TMEM164: variants seen among roughly 807,000 people sequenced by gnomAD.
The protein encoded by TMEM164 is transmembrane protein 164.
TMEM164 carries 4 observed loss-of-function variants against 18.8 expected under a neutral mutation model. The observed-to-expected ratio is 0.21, with a 90% CI of 0.10 to 0.49. The LOEUF is 0.49. TMEM164 is among the 20% of genes least tolerant of loss of function. TMEM164 has a pLI of 0.98. For synonymous variants in TMEM164, 86 were observed against 101.7 expected (o/e 0.85, Z 0.93); for missense variants, 108 against 239.9 (o/e 0.45, Z 3.63).
At chrX:110,141,579 G>T (rs1321705963) in intron 4 of TMEM164, among the ~76,000 whole-genome samples, 1 of 111,662 alleles carries the variant, frequency 9.0e-6, no homozygotes, top group Non-Finnish European at 1.9e-5. Context: ...CACCAGAACA[G>T]TATGGAGGAA....
At chrX:110,034,131 T>C (rs907897635) in intron 2 of TMEM164, among the ~76,000 whole-genome samples, 14 of 111,997 alleles carry the variant, frequency 1.3e-4, no homozygotes, top group African/African-American at 4.5e-4. Context: ...TCACAGCTGT[T>C]TGATGAATAA....
intron 2 of TMEM164, among the ~76,000 whole-genome samples, chrX:110,005,720 C>T (rs1166771828): frequency 1.8e-5 from 2 of 111,878 alleles, no homozygotes; most frequent in East Asian, 5.6e-4. Flanking sequence ...AAATTTGAGC[C>T]AGTCTTCTTT....
At chrX:110,058,196 C>G (rs1344185039) in intron 2 of TMEM164, among the ~76,000 whole-genome samples, 2 of 111,232 alleles carry the variant, frequency 1.8e-5, no homozygotes, top group East Asian at 2.8e-4. Context: ...ATCATTTGTT[C>G]AAGCAAGCAT....
intron 3 of TMEM164, among the ~76,000 whole-genome samples, chrX:110,070,270 T>C (rs182833835): frequency 8.1e-4 from 90 of 111,632 alleles, no homozygotes; most frequent in Middle Eastern, 4.6e-3. Flanking sequence ...GAGCCAGGAC[T>C]GTGCCACTGC....
At chrX:110,023,109 G>T (rs1305182355) in intron 2 of TMEM164, among the ~76,000 whole-genome samples, 1 of 111,650 alleles carries the variant, frequency 9.0e-6, no homozygotes, top group Non-Finnish European at 1.9e-5. Flanking sequence ...TTATGGTTTG[G>T]GGGAGGGGAG....
At chrX:110,063,449 G>A (rs1936199903) in intron 2 of TMEM164, among the ~76,000 whole-genome samples, 1 of 111,841 alleles carries the variant, frequency 8.9e-6, no homozygotes, top group Admixed American at 9.5e-5. Context: ...GGGGGAACAG[G>A]AATGGGAAGC....
chrX:110,084,382 A>ATATATATATAG lies in TMEM164; in HGVS notation c.440+16991_440+17001dup, dbSNP rs1569320868. ...ATATAGTATAGTATATATATAGTGT[A>ATATATATATAG]TATATATATAGTATAGTATATATAT... On this transcript the variant is annotated intron_variant, in intron 3 of 6. Coordinates refer to ENST00000372068, the MANE Select transcript of TMEM164 (RefSeq NM_032227.4). Among the ~76,000 whole-genome samples the ATATATATATAG allele has an allele frequency of 1.9e-3, 55 of 29,279 alleles. 2 individuals are homozygous for ATATATATATAG. Among genetic ancestry groups the ATATATATATAG allele is most frequent in the African/African-American group, 0.018 (52 of 2,894 alleles). 25.4% of individuals were successfully genotyped at this position (29,279 alleles called of 115,157 possible).
intron 4 of TMEM164, among the ~76,000 whole-genome samples, chrX:110,141,907 C>T (rs747384447): frequency 8.9e-6 from 1 of 111,858 alleles, no homozygotes; most frequent in African/African-American, 3.3e-5. Context: ...AACCTATTTC[C>T]TCTTTCCCTC....
chrX:110,022,573 G>A (rs763526664), intron 2 of TMEM164, among the ~76,000 whole-genome samples: 4 of 111,430 alleles, frequency 3.6e-5, no homozygotes, highest in South Asian at 3.8e-4. Flanking sequence ...AAAACCCAGC[G>A]GTGGTAAAAT....
intron 2 of TMEM164, among the ~76,000 whole-genome samples, chrX:110,022,337 G>C (rs139255570): frequency 4.0e-4 from 44 of 111,239 alleles, no homozygotes; most frequent in Non-Finnish European, 6.4e-4. Context: ...CTTGTCAAGA[G>C]AGATCTAAGA....
chrX:110,112,829 T>C (rs896004632), intron 4 of TMEM164, among the ~76,000 whole-genome samples: 3 of 111,571 alleles, frequency 2.7e-5, no homozygotes, highest in African/African-American at 9.8e-5. Flanking sequence ...TCTGATTGCA[T>C]AGAGCCCACT....
At chrX:110,057,654 T>G (rs191044561) in intron 2 of TMEM164, among the ~76,000 whole-genome samples, 38 of 109,163 alleles carry the variant, frequency 3.5e-4, no homozygotes, top group African/African-American at 1.2e-3. Context: ...TTCCCAATAT[T>G]GCCATCTTTT....
chrX:110,027,514 C>CT (rs1934254183), intron 2 of TMEM164, among the ~76,000 whole-genome samples: 1 of 111,488 alleles, frequency 9.0e-6, no homozygotes, highest in Admixed American at 9.6e-5. Context: ...AATCCTAGCA[C>CT]TTTGGGAGGC....
rs1040481440 is a variant in TMEM164 at position 110,175,858 on chromosome X, G to A, written c.*2407G>A. Reference sequence around the variant, plus strand: ...TTATCTTGGGCCAAGCCAACGTGGAGAGAAGCAACCCAACCAGACTCTTGG... The same window carrying A: ...TTATCTTGGGCCAAGCCAACGTGGAAAGAAGCAACCCAACCAGACTCTTGG... On this transcript the variant is annotated 3_prime_UTR_variant, in exon 7 of 7. Coordinates refer to ENST00000372068, the MANE Select transcript of TMEM164 (RefSeq NM_032227.4). The A allele has an allele frequency of 1.3e-6, 1 of 754,454 alleles. No homozygotes were observed. The highest frequency in any genetic ancestry group is 8.7e-5 in the Admixed American group (1 of 11,537). The allele number at this position is 754,454 out of a possible 1,213,427, so 62.2% of individuals were successfully genotyped here. A position where few individuals can be genotyped will look rare whatever the true frequency, so the allele number is the denominator to read the frequency against.
At chrX:110,147,558 ATC>A (rs1343590824) in intron 5 of TMEM164, among the ~76,000 whole-genome samples, 1 of 109,562 alleles carries the variant, frequency 9.1e-6, no homozygotes, top group Admixed American at 9.7e-5. Flanking sequence ...CTAGAGCACT[ATC>A]TCATCTGTAC....
intron 4 of TMEM164, among the ~76,000 whole-genome samples, chrX:110,118,101 C>T (rs1290268939): frequency 2.7e-5 from 3 of 111,790 alleles, no homozygotes; most frequent in Non-Finnish European, 5.6e-5. Context: ...TTAGCAGAGG[C>T]GGGGTCTCAC....
At chrX:110,011,410 C>T (rs1932998466) in intron 2 of TMEM164, among the ~76,000 whole-genome samples, 2 of 111,444 alleles carry the variant, frequency 1.8e-5, no homozygotes, top group South Asian at 7.5e-4. Flanking sequence ...AAAGCAAGGA[C>T]CCTTGGTTTT....
At chrX:110,100,623 G>T (rs1267775387) in intron 3 of TMEM164, among the ~76,000 whole-genome samples, 1 of 111,705 alleles carries the variant, frequency 9.0e-6, no homozygotes, top group East Asian at 2.8e-4. Flanking sequence ...CCAGGCTGGA[G>T]TGCAGTGGCA....
chrX:110,126,548 A>G (rs750395155), intron 4 of TMEM164, among the ~76,000 whole-genome samples: 10 of 112,042 alleles, frequency 8.9e-5, no homozygotes, highest in East Asian at 2.8e-4. Flanking sequence ...AGCACAAACA[A>G]TGGAAACATA....
Sources: gnomAD v4.1 joint callset for allele counts (sites outside exome capture counted in the v4.1 genomes callset) on GRCh38, gnomAD v4.1.1 for gene constraint, MANE v1.5 for transcripts, NCBI Gene and HGNC (gene_info 2026-07-23, HGNC 2026-07-21) for gene names.